The following ZBTB16 variants were observed in gnomAD, a reference collection of about 807,000 sequenced individuals.
ZBTB16 encodes the protein zinc finger and BTB domain-containing protein 16.
In ZBTB16, 8 loss-of-function variants were observed where a neutral mutation model predicts 56.8. The ratio of observed to expected loss-of-function variants is 0.14; its 90% confidence interval spans 0.08 to 0.25. The LOEUF (loss-of-function observed/expected upper bound fraction) is 0.25. Ranked by LOEUF, ZBTB16 falls within the 10% of genes least tolerant of loss-of-function variation. The pLI, the probability that ZBTB16 is intolerant of heterozygous loss-of-function variation, is 1.00. For missense variants in ZBTB16, 625 were observed against 903.0 expected (o/e 0.69, Z 3.95); for synonymous variants, 363 against 368.5 (o/e 0.98, Z 0.17).
At chr11:114,100,020 A>G (rs1271207990) in intron 2 of ZBTB16, among the ~76,000 whole-genome samples, 1 of 152,220 alleles carries the variant, frequency 6.6e-6, no homozygotes, top group Non-Finnish European at 1.5e-5. Flanking sequence ...AAAAAGAAAC[A>G]TGAGCTCCCT....
chr11:114,155,468 G>C (rs921336318), intron 2 of ZBTB16, among the ~76,000 whole-genome samples: 1 of 151,718 alleles, frequency 6.6e-6, no homozygotes, highest in Non-Finnish European at 1.5e-5. Flanking sequence ...CGGGTTGGGG[G>C]TTGGGAGTTG....
intron 2 of ZBTB16, among the ~76,000 whole-genome samples, chr11:114,144,599 G>A (rs1192488883): frequency 1.3e-5 from 2 of 152,214 alleles, no homozygotes; most frequent in Admixed American, 1.3e-4. Context: ...GGGACACCAT[G>A]CCCACTCTAA....
chr11:114,124,890 G>T (rs985316382), intron 2 of ZBTB16, among the ~76,000 whole-genome samples: 3 of 152,228 alleles, frequency 2.0e-5, no homozygotes, highest in Non-Finnish European at 4.4e-5. Flanking sequence ...AGCAAGAAGA[G>T]AAGCAGTCTC....
chr11:114,099,663 A>G (rs1940540156), intron 2 of ZBTB16, among the ~76,000 whole-genome samples: 2 of 152,070 alleles, frequency 1.3e-5, no homozygotes, highest in Admixed American at 6.6e-5. Flanking sequence ...TGTGCATTGG[A>G]GGGTGAGGGG....
intron 2 of ZBTB16, among the ~76,000 whole-genome samples, chr11:114,106,419 A>G (rs957689658): frequency 6.6e-6 from 1 of 152,160 alleles, no homozygotes; most frequent in African/African-American, 2.4e-5. Context: ...GTTTCTTTTG[A>G]ATAATTTCAT....
At chr11:114,101,971 G>A (rs769062116) in intron 2 of ZBTB16, among the ~76,000 whole-genome samples, 6 of 152,250 alleles carry the variant, frequency 3.9e-5, no homozygotes, top group Non-Finnish European at 8.8e-5. Context: ...GAAATTGGAT[G>A]TGGCTCTAGG....
Position 114,250,568 on chromosome 11 carries a change from G to A in ZBTB16, c.*13G>A, listed in dbSNP as rs371293614. On this transcript the variant is annotated 3_prime_UTR_variant, in exon 7 of 7. Coordinates refer to ENST00000335953, the MANE Select transcript of ZBTB16 (RefSeq NM_006006.6). The surrounding 1 kb of genome is among the most constrained non-coding windows in gnomAD (Gnocchi z 6.0). The stretch of plus-strand genomic sequence containing the variant: ...GTGCTATGTGTGAAGGGAGGCCCGC[G>A]GCGGTGGAGCCGAGCGGGGAGCCAG... 1.4e-5 allele frequency: 23 copies of A among 1,613,646 alleles called. No homozygotes were observed. Among genetic ancestry groups the A allele is most frequent in the East Asian group, 4.5e-5 (2 of 44,882 alleles).
intron 2 of ZBTB16, among the ~76,000 whole-genome samples, chr11:114,129,165 A>T (rs879220996): frequency 6.6e-6 from 1 of 152,228 alleles, no homozygotes; most frequent in African/African-American, 2.4e-5. Flanking sequence ...TCACTTTGAA[A>T]ATAGTCAGCA....
chr11:114,201,308 A>C (rs1943732185), intron 4 of ZBTB16, among the ~76,000 whole-genome samples: 1 of 151,934 alleles, frequency 6.6e-6, no homozygotes, highest in Admixed American at 6.6e-5. Context: ...AGGAGAGGAG[A>C]AAGTTCATTG....
chr11:114,063,988 G>T lies in ZBTB16; in HGVS notation c.688G>T (p.Ala230Ser). The T allele has an allele frequency of 6.2e-7, 1 of 1,613,640 alleles. No individual in the cohort carries two copies. Among genetic ancestry groups the T allele is most frequent in the Non-Finnish European group, 8.5e-7 (1 of 1,179,880 alleles). Residue 230 changes from alanine to serine, a missense_variant, in exon 2 of 7, where the codon GCT becomes TCT. Physicochemically the swap from Ala to Ser is moderately conservative, Grantham distance 99 (BLOSUM62 1). Coordinates refer to ENST00000335953, the MANE Select transcript of ZBTB16 (RefSeq NM_006006.6). This position sits in a 1 kb window ranked among gnomAD's most constrained non-coding sequence, Gnocchi z 6.5. ...PPAGPEEPTL[A>S]GGGRHPGVAE... ...TGCAGGGCCCGAGGAGCCAACTCTG[G>T]CTGGGGGTGGGCGGCACCCTGGGGT...
chr11:114,244,846 C>G (rs1190507577), intron 5 of ZBTB16, among the ~76,000 whole-genome samples: 1 of 152,164 alleles, frequency 6.6e-6, no homozygotes, highest in African/African-American at 2.4e-5. Context: ...GCAGCCGCCC[C>G]CTTCCCCCCC....
At chr11:114,062,299 C>T (rs548421116) in intron 1 of ZBTB16, among the ~76,000 whole-genome samples, 1 of 151,512 alleles carries the variant, frequency 6.6e-6, no homozygotes, top group Admixed American at 6.6e-5. Context: ...GACGGGGCTT[C>T]TCCATGTTGG....
At chr11:114,234,363 T>A (rs1411894142) in intron 4 of ZBTB16, among the ~76,000 whole-genome samples, 1 of 152,216 alleles carries the variant, frequency 6.6e-6, no homozygotes, top group Non-Finnish European at 1.5e-5. Context: ...TCAAAGCTAA[T>A]TGAGTTTGAG....
At chr11:114,105,829 C>G (rs943724130) in intron 2 of ZBTB16, among the ~76,000 whole-genome samples, 1 of 152,134 alleles carries the variant, frequency 6.6e-6, no homozygotes, top group Non-Finnish European at 1.5e-5. Flanking sequence ...GACAGTAGTT[C>G]TGGGGAGATC....
At chr11:114,195,915 C>T (rs530458788) in intron 4 of ZBTB16, among the ~76,000 whole-genome samples, 1 of 152,176 alleles carries the variant, frequency 6.6e-6, no homozygotes, top group South Asian at 2.1e-4. Flanking sequence ...CTTCCAGGAT[C>T]CCTGACTATG....
chr11:114,237,922 C>T (rs1029450099), intron 4 of ZBTB16, among the ~76,000 whole-genome samples: 3 of 152,202 alleles, frequency 2.0e-5, no homozygotes, highest in Admixed American at 2.0e-4. Context: ...CCCCTTTCTT[C>T]CCCTGGGAGC....
chr11:114,222,066 G>A (rs1337166476), intron 4 of ZBTB16, among the ~76,000 whole-genome samples: 1 of 152,136 alleles, frequency 6.6e-6, no homozygotes, highest in Non-Finnish European at 1.5e-5. Flanking sequence ...GGTGAGGGGT[G>A]GTGTGGAATC....
At chr11:114,076,969 G>T (rs566542936) in intron 2 of ZBTB16, among the ~76,000 whole-genome samples, 1 of 152,248 alleles carries the variant, frequency 6.6e-6, no homozygotes, top group Admixed American at 6.5e-5. Context: ...AGATTCAACG[G>T]CTGGGGGGGA....
At chr11:114,119,461 C>T (rs1424526909) in intron 2 of ZBTB16, among the ~76,000 whole-genome samples, 4 of 151,874 alleles carry the variant, frequency 2.6e-5, no homozygotes, top group African/African-American at 9.7e-5. Context: ...GATTTCCCAC[C>T]AGGAGCTCTC....
Sources: allele counts gnomAD v4.1 joint callset (sites outside exome capture counted in the v4.1 genomes callset), GRCh38; gene constraint gnomAD v4.1.1; non-coding constraint Gnocchi (gnomAD v3.1); transcripts MANE v1.5; gene names NCBI Gene and HGNC (gene_info 2026-07-23, HGNC 2026-07-21).